ZNF268: variants seen among roughly 807,000 people sequenced by gnomAD.
ZNF268 encodes zinc finger protein 3.
A neutral mutation model predicts 29.3 loss-of-function variants in ZNF268; 20 were observed. The observed-to-expected ratio is 0.68, with a 90% CI of 0.48 to 0.99. ZNF268 has a LOEUF of 0.99. Ranked by LOEUF, ZNF268 falls within the 50% of genes least tolerant of loss-of-function variation. The pLI is 0.00. For synonymous variants in ZNF268, 429 were observed against 376.9 expected, an observed-to-expected ratio of 1.14 and a Z score of -1.60; for missense variants, 1,240 against 1,121.6, an observed-to-expected ratio of 1.11 and a Z score of -1.51.
intron 5 of ZNF268, among the ~76,000 whole-genome samples, chr12:133,198,096 T>C (rs983406157): frequency 6.6e-6 from 1 of 151,890 alleles, no homozygotes; most frequent in Admixed American, 6.6e-5. Context: ...GTTCTAGACA[T>C]GAAGTCCTTG....
At chr12:133,188,497 C>T (rs1159514925) in intron 3 of ZNF268, among the ~76,000 whole-genome samples, 4 of 152,148 alleles carry the variant, frequency 2.6e-5, no homozygotes, top group Admixed American at 2.0e-4. Flanking sequence ...GTGCCTGGCC[C>T]ATGGCCCTTT....
At chr12:133,190,477 G>T (rs1956438785) in intron 3 of ZNF268, among the ~76,000 whole-genome samples, 1 of 152,080 alleles carries the variant, frequency 6.6e-6, no homozygotes. Context: ...CAGTTTTTTG[G>T]ATTTTATCCA....
chr12:133,183,359 G>T (rs1956224494), intron 2 of ZNF268, among the ~76,000 whole-genome samples: 1 of 152,030 alleles, frequency 6.6e-6, no homozygotes, highest in Non-Finnish European at 1.5e-5. Context: ...AGGTGGCTGG[G>T]TGCAGTGGCT....
rs1051710616 is a variant in ZNF268, at chr12:133,212,006, C to T, written c.*7476C>T. Reference sequence around the variant, plus strand: ...TTCAATAGGTGAATGACTAACTAGGCTGGGGTACATCCATGCAATGGAGTC... The same window carrying T: ...TTCAATAGGTGAATGACTAACTAGGTTGGGGTACATCCATGCAATGGAGTC... On this transcript the variant is annotated 3_prime_UTR_variant, in exon 6 of 6. Coordinates refer to ENST00000536435, the MANE Select transcript of ZNF268 (RefSeq NM_003415.3). 3.3e-5 allele frequency: 5 copies of T among 152,150 alleles called. No homozygotes were observed. Among genetic ancestry groups the T allele is most frequent in the Admixed American group, 2.0e-4 (3 of 15,282 alleles). The allele number at this position is 152,150 out of a possible 1,614,324, so 9.4% of individuals were successfully genotyped here.
Position 133,203,680 on chromosome 12 carries a change from TA to T in ZNF268, c.1998del (p.Lys666AsnfsTer14), listed in dbSNP as rs747822865. 3.9e-6 allele frequency: 6 copies of T among 1,548,286 alleles called. No homozygotes were observed. The highest frequency in any genetic ancestry group is 4.3e-6 in the Non-Finnish European group (5 of 1,152,358). Reference sequence around the variant, plus strand: ...GTACATAAAGGAGTGCACACTGGAGTAAAACCCTATGGATGCAGTCAATGTG... The same window carrying T: ...GTACATAAAGGAGTGCACACTGGAGTAAACCCTATGGATGCAGTCAATGTG... ...LIVHKGVHTG[V>X]KPYGCSQCAK... On this transcript the variant is annotated frameshift_variant, in exon 6 of 6. Transcript: ENST00000536435. LOFTEE classifies it low-confidence loss of function (END_TRUNC).
rs1956935722 is a variant in ZNF268 at position 133,208,306 on chromosome 12, G to C, written c.*3776G>C. 2 of 152,244 alleles carry C rather than the reference G, an allele frequency of 1.3e-5. No homozygotes were observed. Among genetic ancestry groups the C allele is most frequent in the South Asian group, 4.1e-4 (2 of 4,830 alleles). The allele number at this position is 152,244 out of a possible 1,614,324, so 9.4% of individuals were successfully genotyped here. A position where few individuals can be genotyped will look rare whatever the true frequency, so the allele number is the denominator to read the frequency against. ...AGGTCAGGATTTCAAGACCAGTGTG[G>C]CTAACATGGTGAAACCCCGTCTCTA... On this transcript the variant is annotated 3_prime_UTR_variant, in exon 6 of 6. Coordinates refer to ENST00000536435, the MANE Select transcript of ZNF268 (RefSeq NM_003415.3).
Position 133,203,532 on chromosome 12 carries a change from G to A in ZNF268, c.1846G>A (p.Glu616Lys). 6.5e-7 allele frequency: 1 copy of A among 1,549,492 alleles called. No homozygotes were observed. The highest frequency in any genetic ancestry group is 8.7e-7 in the Non-Finnish European group (1 of 1,150,978). The change falls in exon 6 of 6, where the codon GAG becomes AAG. Residue 616 changes from glutamate to lysine, a missense_variant. Glu to Lys is a moderately conservative substitution (Grantham distance 56). Transcript: ENST00000536435. ...AGGGGAGAAACCATTTGAATGTAGT[G>A]AGTGTCAGAAAGCCTTTAATACAAA... ...HTGEKPFECS[E>K]CQKAFNTKSN...
chr12:133,194,219 G>A lies in ZNF268; in HGVS notation c.457+2216G>A, dbSNP rs1956543127. ...ACCCCATTTATTCTATCACTAGCATGACAGCATAAATCAACAGTTAGTCCT... is the reference window on the plus strand; with the variant it reads ...ACCCCATTTATTCTATCACTAGCATAACAGCATAAATCAACAGTTAGTCCT... On this transcript the variant is annotated intron_variant, in intron 5 of 5. Transcript: ENST00000536435. Among the ~76,000 whole-genome samples the A allele has an allele frequency of 1.3e-5, 2 of 152,154 alleles. 1 individual carries two copies. The highest frequency in any genetic ancestry group is 4.1e-4 in the South Asian group (2 of 4,822).
intron 2 of ZNF268, among the ~76,000 whole-genome samples, chr12:133,185,963 C>G (rs560603643): frequency 5.3e-5 from 8 of 152,052 alleles, no homozygotes; most frequent in Non-Finnish European, 1.2e-4. Flanking sequence ...GTTTTGTTTT[C>G]TTTTGCCGTT....
At position 133,211,208 on chromosome 12, in the gene ZNF268, T is replaced by TCC. The variant is rs1555305585; in HGVS notation, c.*6678_*6679insCC. The TCC allele has an allele frequency of 3.7e-6, 1 of 272,346 alleles. No homozygotes were observed. The highest frequency in any genetic ancestry group is 3.0e-5 in the African/African-American group (1 of 33,276). The allele number at this position is 272,346 out of a possible 1,614,324, so 16.9% of individuals were successfully genotyped here. A position where few individuals can be genotyped will look rare whatever the true frequency, so the allele number is the denominator to read the frequency against. On this transcript the variant is annotated 3_prime_UTR_variant, in exon 6 of 6. Coordinates refer to ENST00000536435, the MANE Select transcript of ZNF268 (RefSeq NM_003415.3). ...TGAAAAAGTGTTTGTATGCAAAATA[T>TCC]AAAAAAAAAACCCTAAAATTGAACA...
chr12:133,183,749 A>G (rs1047168192), intron 2 of ZNF268, among the ~76,000 whole-genome samples: 1 of 152,158 alleles, frequency 6.6e-6, no homozygotes, highest in Non-Finnish European at 1.5e-5. Flanking sequence ...GTGTGGCCAA[A>G]GTAGCTCAGG....
At position 133,210,453 on chromosome 12, in the gene ZNF268, CTG is replaced by C. The variant is rs1337826222; in HGVS notation, c.*5926_*5927del. ...GAGGAGAAGGAAGCTCAGAACCTCACTGTGGATTTGCCCCACTAGGGTCCCTA... is the reference window on the plus strand; with the variant it reads ...GAGGAGAAGGAAGCTCAGAACCTCACTGGATTTGCCCCACTAGGGTCCCTA... On this transcript the variant is annotated 3_prime_UTR_variant, in exon 6 of 6. Coordinates refer to ENST00000536435, the MANE Select transcript of ZNF268 (RefSeq NM_003415.3). The C allele has an allele frequency of 5.0e-6, 1 of 200,054 alleles. No homozygotes were observed. The highest frequency in any genetic ancestry group is 1.1e-5 in the Non-Finnish European group (1 of 95,168). The allele number at this position is 200,054 out of a possible 1,614,324, so 12.4% of individuals were successfully genotyped here.
At position 133,203,949 on chromosome 12, in the gene ZNF268, A is replaced by C. The variant is rs757743538; in HGVS notation, c.2263A>C (p.Ser755Arg). ...IHTGENPYEC[S>R]ECGKAFNRKD... ...CACAGGAGAAAATCCCTATGAATGC[A>C]GTGAATGTGGGAAAGCCTTTAATAG... The change falls in exon 6 of 6, where the codon AGT (serine) becomes CGT (arginine). Residue 755 changes from serine (S) to arginine (R), a missense_variant. By Grantham distance (110) the Ser-to-Arg change is moderately radical (BLOSUM62 -1). Around this residue, in one of 3 missense-constraint regions of ZNF268, gnomAD observed 1,177 missense variants for 1,039.6 expected, o/e 1.13. Transcript: ENST00000536435. 10 of 1,594,412 alleles carry C rather than the reference A, an allele frequency of 6.3e-6. No homozygotes were observed. In the African/African-American group the frequency reaches 1.3e-4, roughly 21 times the overall value.
chr12:133,202,391 C>T lies in ZNF268; in HGVS notation c.705C>T (p.Phe235=). 1.9e-6 allele frequency: 3 copies of T among 1,610,972 alleles called. No individual in the cohort carries two copies. The highest frequency in any genetic ancestry group is 2.5e-6 in the Non-Finnish European group (3 of 1,178,400). ...NGFQVHGKSF[F]HSKHEQTVIG... is the part of the protein sequence containing the mutation. ...TTCAGGTACATGGAAAATCATTCTT[C>T]CATTCTAAACATGAGCAAACTGTTA... The change falls in exon 6 of 6, where the codon TTC becomes TTT. Residue 235 remains phenylalanine, a synonymous_variant. Coordinates refer to ENST00000536435, the MANE Select transcript of ZNF268 (RefSeq NM_003415.3).
chr12:133,203,581 G>T lies in ZNF268; in HGVS notation c.1895G>T (p.Arg632Ile). Reference protein sequence around the residue: ...NTKSNLIVHQRTHTGEKPYSC... With the variant: ...NTKSNLIVHQITHTGEKPYSC... ...AAGTCAAACCTGATTGTACATCAGA[G>T]AACTCATACAGGAGAGAAACCCTAT... Residue 632 changes from arginine to isoleucine, a missense_variant, in exon 6 of 6, where the codon AGA becomes ATA. Transcript: ENST00000536435. The T allele has an allele frequency of 3.8e-6, 6 of 1,568,504 alleles. No homozygotes were observed. Among genetic ancestry groups the T allele is most frequent in the East Asian group, 4.7e-5 (2 of 42,546 alleles).
intron 2 of ZNF268, among the ~76,000 whole-genome samples, chr12:133,183,508 A>T (rs1341690801): frequency 2.0e-5 from 3 of 152,016 alleles, no homozygotes; most frequent in Non-Finnish European, 4.4e-5. Context: ...TCAAAAAAAA[A>T]AAAAGGAGAG....
At chr12:133,189,763 C>G (rs1956417423) in intron 3 of ZNF268, among the ~76,000 whole-genome samples, 1 of 152,262 alleles carries the variant, frequency 6.6e-6, no homozygotes, top group Admixed American at 6.5e-5. Context: ...ATGCTGTTAA[C>G]TACAAATTTT....
At position 133,203,126 on chromosome 12, in the gene ZNF268, A is replaced by C; in HGVS notation, c.1440A>C (p.Gly480=). 1 of 1,537,306 alleles carries C rather than the reference A, an allele frequency of 6.5e-7. No homozygotes were observed. Among genetic ancestry groups the C allele is most frequent in the Non-Finnish European group, 8.7e-7 (1 of 1,146,714 alleles). Residue 480 remains glycine (G), a synonymous_variant, in exon 6 of 6, where the codon GGA becomes GGC. Coordinates refer to ENST00000536435, the MANE Select transcript of ZNF268 (RefSeq NM_003415.3). ...KPYGCIQCGK[G]FSLKSQLIVH... Reference sequence around the variant, plus strand: ...ATGGGTGTATTCAGTGTGGTAAAGGATTCAGTTTGAAATCACAGCTCATTG... The same window carrying C: ...ATGGGTGTATTCAGTGTGGTAAAGGCTTCAGTTTGAAATCACAGCTCATTG...
At position 133,214,512 on chromosome 12, in the gene ZNF268, T is replaced by TA. The variant is rs1301402630; in HGVS notation, c.*9987dup. On this transcript the variant is annotated 3_prime_UTR_variant, in exon 6 of 6. Transcript: ENST00000536435. ...TAGCAAGACTCCATGTCTACAAAGATAAAAATAAAAGCAATGTGCAGAAAG... is the reference window on the plus strand; with the variant it reads ...TAGCAAGACTCCATGTCTACAAAGATAAAAAATAAAAGCAATGTGCAGAAAG... 6.6e-6 allele frequency: 1 copy of TA among 152,020 alleles called. No individual in the cohort carries two copies. The highest frequency in any genetic ancestry group is 6.6e-5 in the Admixed American group (1 of 15,264). The allele number at this position is 152,020 out of a possible 1,614,324, so 9.4% of individuals were successfully genotyped here. A position where few individuals can be genotyped will look rare whatever the true frequency, so the allele number is the denominator to read the frequency against.
Sources: gnomAD v4.1 joint callset for allele counts (sites outside exome capture counted in the v4.1 genomes callset) on GRCh38, gnomAD v4.1.1 for gene constraint, gnomAD v4.1.1 regional missense constraint, MANE v1.5 for transcripts, NCBI Gene and HGNC (gene_info 2026-07-23, HGNC 2026-07-21) for gene names.